GCC2: variants seen among roughly 807,000 people sequenced by gnomAD.
GCC2 encodes GRIP and coiled-coil domain containing 2.
GCC2 carries 120 observed loss-of-function variants against 210.6 expected under a neutral mutation model. That is an observed-to-expected ratio of 0.57 (90% CI 0.49 to 0.66). The LOEUF is 0.66. Among genes scored for constraint, GCC2 ranks in the 30% least tolerant of loss-of-function variants. GCC2 has a pLI of 0.00. For missense variants in GCC2, 1,868 were observed against 1,871.9 expected (o/e 1.00, Z 0.04); for synonymous variants, 703 against 652.7 (o/e 1.08, Z -1.17).
chr2:108,459,245 G>A (rs80290084), intron 4 of GCC2, among the ~76,000 whole-genome samples: 2 of 152,052 alleles, frequency 1.3e-5, no homozygotes, highest in African/African-American at 4.8e-5. Context: ...TTGACCCATG[G>A]TCATTTGAGA....
chr2:108,495,220 T>C (rs1048677669), intron 19 of GCC2, 71 bp from the exon 20 acceptor site: 1 of 833,742 alleles, frequency 1.2e-6, no homozygotes, highest in Non-Finnish European at 1.9e-6. Context: ...CATTTTATTG[T>C]GTATCTCTGT....
chr2:108,484,869 C>T (rs1289284978), intron 13 of GCC2: 1 of 151,906 alleles, frequency 6.6e-6, no homozygotes, highest in African/African-American at 2.4e-5. Flanking sequence ...GACACATGCA[C>T]ACGTATGTTT....
intron 6 of GCC2, among the ~76,000 whole-genome samples, chr2:108,472,458 G>A (rs1381526279): frequency 6.6e-6 from 1 of 152,030 alleles, no homozygotes; most frequent in African/African-American, 2.4e-5. Context: ...GTTATTTTTT[G>A]TAAAGAGCAC....
chr2:108,492,517 C>G (rs1252722838), intron 18 of GCC2, 56 bp from the exon 19 acceptor site: 3 of 1,158,636 alleles, frequency 2.6e-6, no homozygotes, highest in Non-Finnish European at 3.9e-6. Flanking sequence ...TTGAGAAAGG[C>G]TAAGTCAGCA....
At chr2:108,495,904 A>G (rs550488220) in intron 20 of GCC2, 1 of 157,360 alleles carries the variant, frequency 6.4e-6, no homozygotes, top group Non-Finnish European at 1.4e-5. Context: ...ATTAGATGGT[A>G]CCTACCAGAT....
At chr2:108,453,785 T>TAA (rs200197742) in intron 4 of GCC2, among the ~76,000 whole-genome samples, 13 of 141,780 alleles carry the variant, frequency 9.2e-5, no homozygotes, top group South Asian at 2.2e-4. Flanking sequence ...ACTCCGTTTT[T>TAA]AAAAAAAAAA....
intron 12 of GCC2, 84 bp downstream of exon 12, chr2:108,483,250 A>T (rs144823790): frequency 1.4e-5 from 10 of 715,362 alleles, no homozygotes; most frequent in Non-Finnish European, 2.2e-5. Context: ...TCTCTCTGCA[A>T]TCTCACTCTG....
At chr2:108,503,378 C>CT (rs1214234559) in intron 22 of GCC2, among the ~76,000 whole-genome samples, 6 of 152,196 alleles carry the variant, frequency 3.9e-5, no homozygotes, top group African/African-American at 1.2e-4. Flanking sequence ...AAAACAAAAA[C>CT]TTTAAGAATC....
chr2:108,470,272 A>G lies in GCC2; in HGVS notation c.943A>G (p.Ile315Val). The G allele has an allele frequency of 6.2e-7, 1 of 1,613,666 alleles. No individual in the cohort carries two copies. The highest frequency in any genetic ancestry group is 8.5e-7 in the Non-Finnish European group (1 of 1,179,784). ...ATSNANQDNQ[I>V]CSILLQENTF... ...CTCAAATGCAAACCAAGACAATCAG[A>G]TATGTTCTATTCTCTTGCAAGAAAA... Residue 315 changes from isoleucine (I) to valine (V), a missense_variant, in exon 6 of 23, where the codon ATA becomes GTA. Around this residue, in one of 3 missense-constraint regions of GCC2, gnomAD observed 1,847 missense variants for 1,765.2 expected, o/e 1.05. Transcript: ENST00000309863.
chr2:108,493,680 G>T, intron 19 of GCC2: 4 of 985,426 alleles, frequency 4.1e-6, no homozygotes, highest in Non-Finnish European at 4.8e-6. Flanking sequence ...AGTTGATGGT[G>T]TTTTGGTTTC....
intron 17 of GCC2, 24 bp from the exon 18 acceptor site, chr2:108,489,814 T>TA: frequency 2.6e-6 from 4 of 1,547,838 alleles, no homozygotes; most frequent in Non-Finnish European, 3.5e-6. Flanking sequence ...CAAAAAATTT[T>TA]AAAACTGTGT....
At chr2:108,487,250 G>C (rs1254945816) in intron 16 of GCC2, among the ~76,000 whole-genome samples, 2 of 152,310 alleles carry the variant, frequency 1.3e-5, no homozygotes, top group Admixed American at 6.5e-5. Context: ...AGTTCCAAAA[G>C]CACATAGTGT....
Position 108,495,296 on chromosome 2 carries a change from G to C in GCC2, c.4453G>C (p.Val1485Leu). The C allele has an allele frequency of 1.9e-6, 3 of 1,576,782 alleles. No homozygotes were observed. Among genetic ancestry groups the C allele is most frequent in the Non-Finnish European group, 2.6e-6 (3 of 1,167,814 alleles). ...CTTTTAAAAAAATCTAATAGGCCCAGTTTCCTCTCAACAATCTTTGAAGAA... is the reference window on the plus strand; with the variant it reads ...CTTTTAAAAAAATCTAATAGGCCCACTTTCCTCTCAACAATCTTTGAAGAA... ...LKNEPTTRSP[V>L]SSQQSLKNLR... The change falls in exon 20 of 23, where the codon GTT (valine) becomes CTT (leucine). Residue 1485 changes from valine (V) to leucine (L), a missense_variant. Val to Leu is a conservative substitution (Grantham distance 32). This residue lies in a region of GCC2 where 1,847 missense variants were observed against 1,765.2 expected (regional missense o/e 1.05). Transcript: ENST00000309863.
intron 22 of GCC2, among the ~76,000 whole-genome samples, chr2:108,500,236 A>T (rs1682851061): frequency 6.6e-6 from 1 of 152,208 alleles, no homozygotes; most frequent in Admixed American, 6.5e-5. Context: ...GCCATAGGCC[A>T]GGTGCCGGTG....
At position 108,449,246 on chromosome 2, in the gene GCC2, G is replaced by A. The variant is rs765637800; in HGVS notation, c.-29G>A. 9 of 1,548,478 alleles carry A rather than the reference G, an allele frequency of 5.8e-6. No individual in the cohort carries two copies. The South Asian group carries it at 6.0e-5, about 10-fold the overall frequency. ...CAGAAGTGCAGCGGTGGCGGCGGCT[G>A]GTTGCGGGCCGGCGGCGGGCTGGCG... On this transcript the variant is annotated 5_prime_UTR_variant, in exon 1 of 23. Transcript: ENST00000309863.
chr2:108,449,817 A>G (rs546897738), intron 2 of GCC2, 128 bp downstream of exon 2: 2 of 689,562 alleles, frequency 2.9e-6, no homozygotes, highest in South Asian at 1.7e-5. Flanking sequence ...AGGGATCTCA[A>G]TTTTAGTGTG....
Position 108,449,266 on chromosome 2 carries a change from C to T in GCC2, c.-9C>T. ...CGGCTGGTTGCGGGCCGGCGGCGGG[C>T]TGGCGGAGATGGAGGTAACTCAGGT... On this transcript the variant is annotated 5_prime_UTR_variant, in exon 1 of 23. Coordinates refer to ENST00000309863, the MANE Select transcript of GCC2 (RefSeq NM_181453.4). 2 of 1,549,390 alleles carry T rather than the reference C, an allele frequency of 1.3e-6. No individual in the cohort carries two copies. The highest frequency in any genetic ancestry group is 1.7e-6 in the Non-Finnish European group (2 of 1,145,332).
At chr2:108,450,759 A>G (rs1235151546) in intron 2 of GCC2, among the ~76,000 whole-genome samples, 10 of 152,134 alleles carry the variant, frequency 6.6e-5, no homozygotes, top group Admixed American at 5.2e-4. Flanking sequence ...GCGGGCGCCT[A>G]TGATCCCAGC....
chr2:108,451,457 A>G (rs1029771959), intron 3 of GCC2, among the ~76,000 whole-genome samples: 16 of 152,242 alleles, frequency 1.1e-4, no homozygotes, highest in African/African-American at 3.9e-4. Context: ...TGTTAGAGAC[A>G]GAAGATAAGC....
Sources: gnomAD v4.1 joint callset for allele counts (sites outside exome capture counted in the v4.1 genomes callset) on GRCh38, gnomAD v4.1.1 for gene constraint, gnomAD v4.1.1 regional missense constraint, MANE v1.5 for transcripts, NCBI Gene and HGNC (gene_info 2026-07-23, HGNC 2026-07-21) for gene names.